The following SHTN1 variants were observed in gnomAD, a reference collection of about 807,000 sequenced individuals.
The protein encoded by SHTN1 is shootin-1.
Under a neutral mutation model 83.1 loss-of-function variants are expected in SHTN1, and 42 were observed. The observed-to-expected ratio is 0.51, with a 90% CI of 0.39 to 0.65. The LOEUF (loss-of-function observed/expected upper bound fraction) is 0.65, where lower values mean the gene tolerates loss of function less well. Ranked by LOEUF, SHTN1 falls within the 30% of genes least tolerant of loss-of-function variation. SHTN1 has a pLI of 0.00. For synonymous variants in SHTN1, 224 were observed against 247.7 expected (o/e 0.90, Z 0.90); for missense variants, 622 against 737.8 (o/e 0.84, Z 1.82).
intron 1 of SHTN1, among the ~76,000 whole-genome samples, chr10:117,054,868 T>G (rs1852805210): frequency 6.6e-6 from 1 of 152,170 alleles, no homozygotes; most frequent in Non-Finnish European, 1.5e-5. Context: ...AATATATATC[T>G]TCCATATATT....
intron 1 of SHTN1, among the ~76,000 whole-genome samples, chr10:117,084,758 G>A (rs1018020637): frequency 9.2e-5 from 14 of 152,128 alleles, no homozygotes; most frequent in Non-Finnish European, 1.8e-4. Context: ...TTTTAAGCCC[G>A]TCGGAAAAGC....
At chr10:116,939,812 T>C (rs557797524) in intron 9 of SHTN1, among the ~76,000 whole-genome samples, 1 of 152,330 alleles carries the variant, frequency 6.6e-6, no homozygotes, top group African/African-American at 2.4e-5. Context: ...TAAACATTGA[T>C]GTAATTTTTC....
At chr10:117,116,261 G>A (rs537945011) in intron 1 of SHTN1, among the ~76,000 whole-genome samples, 2 of 151,492 alleles carry the variant, frequency 1.3e-5, no homozygotes, top group South Asian at 4.2e-4. Context: ...GAAACACAAA[G>A]AATCATTACA....
At chr10:116,916,153 T>C (rs749084122) in intron 12 of SHTN1, among the ~76,000 whole-genome samples, 43 of 152,280 alleles carry the variant, frequency 2.8e-4, no homozygotes, top group Non-Finnish European at 5.9e-4. Context: ...AATTCAACTA[T>C]CTATTGTTTA....
chr10:116,951,863 C>T, intron 6 of SHTN1, 46 bp downstream of exon 6: 1 of 1,117,264 alleles, frequency 9.0e-7, no homozygotes, highest in Non-Finnish European at 1.3e-6. Context: ...TCCCCAAACA[C>T]CTTGAAAATG....
Position 116,930,015 on chromosome 10 carries a change from T to TAAA in SHTN1, c.859-16_859-14dup. 3.6e-6 allele frequency: 5 copies of TAAA among 1,380,726 alleles called. No individual in the cohort carries two copies. In the South Asian group the frequency reaches 7.4e-5, roughly 20 times the overall value. 85.5% of individuals were successfully genotyped at this position (1,380,726 alleles called of 1,614,324 possible). ...CTAATTCTTTGACCTATAAGTTATT[T>TAAA]AAAAAAAAAAGACTTTTATGGCTGA... On this transcript the variant is annotated splice_polypyrimidine_tract_variant and intron_variant, in intron 9 of 16. Transcript: ENST00000355371.
intron 1 of SHTN1, among the ~76,000 whole-genome samples, chr10:117,063,605 C>T (rs758030608): frequency 4.6e-5 from 7 of 152,092 alleles, no homozygotes; most frequent in Non-Finnish European, 8.8e-5. Flanking sequence ...ATATAGCTTC[C>T]TATTGCTCTT....
chr10:117,076,602 AT>A (rs1853158360), intron 1 of SHTN1, among the ~76,000 whole-genome samples: 1 of 152,234 alleles, frequency 6.6e-6, no homozygotes. Context: ...TACAATGCAT[AT>A]TTAGCTGCAC....
rs538430481 is a variant in SHTN1, at chr10:116,915,298, CT to C, written c.1305+76del. On this transcript the variant is annotated intron_variant, in intron 13 of 16. Coordinates refer to ENST00000355371, the MANE Select transcript of SHTN1 (RefSeq NM_001127211.3). The stretch of plus-strand genomic sequence containing the variant: ...GATCTGACAGTGGGTCCTGATGCAG[CT>C]TTCATCAAATTTCAAATTTATACAT... 468 of 813,602 alleles carry C rather than the reference CT, an allele frequency of 5.8e-4. 5 individuals are homozygous for C. In the South Asian group the frequency reaches 7.2e-3, roughly 12 times the overall value. 50.4% of individuals were successfully genotyped at this position (813,602 alleles called of 1,614,324 possible). A position where few individuals can be genotyped will look rare whatever the true frequency, so the allele number is the denominator to read the frequency against.
chr10:116,968,011 G>A (rs1850461801), intron 3 of SHTN1, among the ~76,000 whole-genome samples: 1 of 151,986 alleles, frequency 6.6e-6, no homozygotes, highest in Non-Finnish European at 1.5e-5. Flanking sequence ...GTGAAACCCC[G>A]TCTCTACTAA....
At chr10:117,047,067 A>AT (rs1408663817) in intron 2 of SHTN1, among the ~76,000 whole-genome samples, 1 of 152,012 alleles carries the variant, frequency 6.6e-6, no homozygotes, top group South Asian at 2.1e-4. Flanking sequence ...TTTTTCAAAA[A>AT]ATATATATAT....
At chr10:116,954,310 T>G in intron 4 of SHTN1, 100 bp from the exon 5 acceptor site, 1 of 683,780 alleles carries the variant, frequency 1.5e-6, no homozygotes, top group Non-Finnish European at 2.4e-6. Flanking sequence ...TCTTACATAT[T>G]CATCAACACT....
At chr10:116,936,700 A>G (rs574965588) in intron 9 of SHTN1, among the ~76,000 whole-genome samples, 2 of 152,274 alleles carry the variant, frequency 1.3e-5, no homozygotes, top group African/African-American at 4.8e-5. Flanking sequence ...TCCAGGGCTG[A>G]GTTCAAGTCC....
intron 3 of SHTN1, among the ~76,000 whole-genome samples, chr10:116,963,140 C>T (rs1221369403): frequency 3.0e-5 from 4 of 135,502 alleles, no homozygotes; most frequent in Admixed American, 2.5e-4. Flanking sequence ...GGCGCAATCT[C>T]GGCTCACTGC....
At chr10:117,024,985 T>C (rs954933390) in intron 2 of SHTN1, among the ~76,000 whole-genome samples, 2 of 152,144 alleles carry the variant, frequency 1.3e-5, no homozygotes, top group Non-Finnish European at 2.9e-5. Context: ...CATCAAAAAA[T>C]GCAAGACCTG....
At chr10:117,075,251 A>T (rs1234849523) in intron 1 of SHTN1, among the ~76,000 whole-genome samples, 2 of 152,120 alleles carry the variant, frequency 1.3e-5, no homozygotes, top group African/African-American at 4.8e-5. Flanking sequence ...CCCTCAACAT[A>T]GAGGCTCCCT....
At chr10:116,968,592 C>T in intron 3 of SHTN1, 60 bp downstream of exon 3, 2 of 1,228,536 alleles carry the variant, frequency 1.6e-6, no homozygotes, top group African/African-American at 1.5e-5. Context: ...TATAAGTCTA[C>T]TCACATAATC....
At chr10:117,042,067 G>A (rs553617167) in intron 2 of SHTN1, among the ~76,000 whole-genome samples, 1 of 152,290 alleles carries the variant, frequency 6.6e-6, no homozygotes, top group African/African-American at 2.4e-5. Context: ...TAAGGAAGAG[G>A]AAGCAGGTAA....
intron 3 of SHTN1, among the ~76,000 whole-genome samples, chr10:116,960,660 G>T (rs1013123023): frequency 7.9e-5 from 12 of 152,034 alleles, no homozygotes; most frequent in Admixed American, 7.2e-4. Context: ...AAAAATAAAA[G>T]AAAAATAAAT....
Sources: allele counts gnomAD v4.1 joint callset (sites outside exome capture counted in the v4.1 genomes callset), GRCh38; gene constraint gnomAD v4.1.1; transcripts MANE v1.5; gene names NCBI Gene and HGNC (gene_info 2026-07-23, HGNC 2026-07-21).